The following TRRAP variants were observed in gnomAD, a reference collection of about 807,000 sequenced individuals.
TRRAP encodes transformation/transcription domain associated protein.
In TRRAP, 41 loss-of-function variants were observed where a neutral mutation model predicts 438.8. The observed-to-expected ratio is 0.09, with a 90% CI of 0.07 to 0.12. The LOEUF is 0.12. Among genes scored for constraint, TRRAP ranks in the 10% least tolerant of loss-of-function variants. TRRAP has a pLI of 1.00. For missense variants in TRRAP, 3,122 were observed against 5,055.1 expected, an observed-to-expected ratio of 0.62 and a Z score of 11.60; for synonymous variants, 1,994 against 1,962.9, an observed-to-expected ratio of 1.02 and a Z score of -0.42.
chr7:98,976,679 A>G lies in TRRAP; in HGVS notation c.8156A>G (p.His2719Arg), dbSNP rs1469292036. Residue 2719 changes from histidine to arginine, a missense_variant, in exon 55 of 73, where the codon CAC becomes CGC. By Grantham distance (29) the His-to-Arg change is conservative. Transcript: ENST00000456197. The surrounding 1 kb of genome is among the most constrained non-coding windows in gnomAD (Gnocchi z 4.6). The stretch of plus-strand genomic sequence containing the variant: ...TTCCGGTCCACGCTGATGTTGGAGC[A>G]CCAGGCTTTTGAAAAGGGTCTGAGT... Reference protein sequence around the residue: ...LWFRSTLMLEHQAFEKGLSLQ... With the variant: ...LWFRSTLMLERQAFEKGLSLQ... The G allele has an allele frequency of 6.2e-7, 1 of 1,614,190 alleles. No individual in the cohort carries two copies. The highest frequency in any genetic ancestry group is 8.5e-7 in the Non-Finnish European group (1 of 1,180,042).
chr7:98,953,258 A>T lies in TRRAP; in HGVS notation c.5555A>T (p.His1852Leu). ...YATLLVEHAPHHIHDNNKNRN... is the reference protein window; with the variant it reads ...YATLLVEHAPLHIHDNNKNRN... Reference sequence around the variant, plus strand: ...ACGCTGCTGGTGGAGCACGCCCCCCACCACATCCATGACAACAACAAGAAC... The same window carrying T: ...ACGCTGCTGGTGGAGCACGCCCCCCTCCACATCCATGACAACAACAAGAAC... The change falls in exon 40 of 73, where the codon CAC becomes CTC. Residue 1852 changes from histidine to leucine, a missense_variant. By Grantham distance (99) the His-to-Leu change is moderately conservative. Around this residue, in one of 24 missense-constraint regions of TRRAP, gnomAD observed 272 missense variants for 348.5 expected, o/e 0.78. Transcript: ENST00000456197. The T allele has an allele frequency of 1.9e-6, 3 of 1,613,206 alleles. No homozygotes were observed. The highest frequency in any genetic ancestry group is 2.5e-6 in the Non-Finnish European group (3 of 1,179,900).
At chr7:98,911,330 AT>A in intron 17 of TRRAP, 59 bp downstream of exon 17, 1 of 1,432,108 alleles carries the variant, frequency 7.0e-7, no homozygotes, top group Non-Finnish European at 9.4e-7. Flanking sequence ...TATGTCTTAA[AT>A]ACTTTTTCAT....
intron 49 of TRRAP, among the ~76,000 whole-genome samples, chr7:98,966,200 G>A (rs949971868): frequency 1.3e-5 from 2 of 151,916 alleles, no homozygotes; most frequent in African/African-American, 4.8e-5. Flanking sequence ...CAGCTACTCG[G>A]GAGGCTGAGG....
At chr7:99,007,381 C>T (rs745400687) in intron 69 of TRRAP, among the ~76,000 whole-genome samples, 1 of 152,220 alleles carries the variant, frequency 6.6e-6, no homozygotes, top group Non-Finnish European at 1.5e-5. Flanking sequence ...CGGAGTCTCA[C>T]TCTCTCATTC....
chr7:98,993,638 A>T lies in TRRAP; in HGVS notation c.9948A>T (p.Arg3316=), dbSNP rs1009477787. The T allele has an allele frequency of 2.5e-6, 4 of 1,614,242 alleles. No homozygotes were observed. The highest frequency in any genetic ancestry group is 3.4e-6 in the Non-Finnish European group (4 of 1,180,042). Residue 3316 remains arginine (R), a synonymous_variant, in exon 66 of 73, where the codon CGA becomes CGT. Transcript: ENST00000456197. ...RATAPMWRCS[R]IMHMQRELHP... is the part of the protein sequence containing the mutation. ...CAGCACCCATGTGGCGCTGCAGCCG[A>T]ATCATGCACATGCAGCGAGAGCTCC... is the stretch of plus-strand genomic sequence containing the variant.
At chr7:98,889,538 CT>C (rs72212667) in intron 3 of TRRAP, among the ~76,000 whole-genome samples, 23,102 of 77,848 alleles carry the variant, frequency 0.3, 5,896 homozygotes, top group African/African-American at 0.61. Context: ...TCCTATTCTC[CT>C]TTTTTTTTTT....
At chr7:98,878,932 A>G (rs940918633) in intron 1 of TRRAP, among the ~76,000 whole-genome samples, 5 of 152,192 alleles carry the variant, frequency 3.3e-5, no homozygotes, top group African/African-American at 1.2e-4. Context: ...GACGGCGACC[A>G]AAGGAGGGAA....
At chr7:98,917,754 A>G (rs1554409745) in intron 20 of TRRAP, 75 bp downstream of exon 20, 2 of 1,547,742 alleles carry the variant, frequency 1.3e-6, no homozygotes, top group Non-Finnish European at 8.7e-7. Context: ...TCTGTACTCA[A>G]GAGTGGGCTC....
At chr7:98,887,749 A>AAC (rs1795780509) in intron 3 of TRRAP, among the ~76,000 whole-genome samples, 1 of 151,108 alleles carries the variant, frequency 6.6e-6, no homozygotes, top group South Asian at 2.1e-4. Flanking sequence ...AAAAAAAAAA[A>AAC]ACTGCAATGG....
At chr7:98,998,927 A>G in intron 67 of TRRAP, 2 of 531,524 alleles carry the variant, frequency 3.8e-6, no homozygotes, top group Non-Finnish European at 6.8e-6. Flanking sequence ...GTCAGTCTGC[A>G]CAAGGTACAG....
intron 21 of TRRAP, 87 bp from the exon 22 acceptor site, chr7:98,925,025 C>T: frequency 6.7e-7 from 1 of 1,482,392 alleles, no homozygotes; most frequent in African/African-American, 1.4e-5. Context: ...AAAGATTCTT[C>T]TGGGTGCTGC....
At chr7:98,979,352 C>T (rs987548852) in intron 58 of TRRAP, among the ~76,000 whole-genome samples, 7 of 152,142 alleles carry the variant, frequency 4.6e-5, no homozygotes, top group South Asian at 2.1e-4. Flanking sequence ...TCTGCACAGC[C>T]GCCTGGGTTC....
intron 18 of TRRAP, among the ~76,000 whole-genome samples, chr7:98,912,698 G>A (rs1375357952): frequency 6.6e-6 from 1 of 152,006 alleles, no homozygotes; most frequent in Non-Finnish European, 1.5e-5. Context: ...TTTCAGTGAT[G>A]CAAACGAACT....
At chr7:98,960,336 GT>G (rs1223884798) in intron 45 of TRRAP, among the ~76,000 whole-genome samples, 1 of 151,994 alleles carries the variant, frequency 6.6e-6, no homozygotes, top group Non-Finnish European at 1.5e-5. Flanking sequence ...TCCACATTTG[GT>G]TTTTCTAGTT....
At chr7:98,996,232 T>C (rs1045404807) in intron 67 of TRRAP, among the ~76,000 whole-genome samples, 1 of 152,214 alleles carries the variant, frequency 6.6e-6, no homozygotes, top group Admixed American at 6.5e-5. Flanking sequence ...CACATCCCAT[T>C]GTGCACACCC....
chr7:98,948,359 G>A lies in TRRAP; in HGVS notation c.4668+19G>A. On this transcript the variant is annotated intron_variant, in intron 34 of 72. Coordinates refer to ENST00000456197, the MANE Select transcript of TRRAP (RefSeq NM_001375524.1). The surrounding 1 kb of genome is among the most constrained non-coding windows in gnomAD (Gnocchi z 4.9). ...GATCGAGGTAAGGGCCATACTGAAG[G>A]CTGCTTCTCGCTCTGCCACCCTCCG... 6.2e-7 allele frequency: 1 copy of A among 1,613,990 alleles called. No individual in the cohort carries two copies. Among genetic ancestry groups the A allele is most frequent in the African/African-American group, 1.3e-5 (1 of 75,042 alleles).
chr7:98,920,531 C>G (rs538766615), intron 20 of TRRAP, among the ~76,000 whole-genome samples: 1 of 152,012 alleles, frequency 6.6e-6, no homozygotes, highest in East Asian at 1.9e-4. Flanking sequence ...TTTTTAGGAC[C>G]TCTGATAATT....
chr7:98,995,907 C>T (rs1295581919), intron 67 of TRRAP, among the ~76,000 whole-genome samples: 2 of 149,862 alleles, frequency 1.3e-5, no homozygotes, highest in Non-Finnish European at 1.5e-5. Context: ...TCTACACACC[C>T]GCGTCCCATC....
chr7:98,937,941 G>A (rs868940896), intron 30 of TRRAP, 121 bp downstream of exon 30: 37 of 1,115,410 alleles, frequency 3.3e-5, no homozygotes, highest in East Asian at 9.1e-5. Flanking sequence ...TTGGGAGGCC[G>A]AGGTGGGTGG....
Sources: gnomAD v4.1 joint callset for allele counts (sites outside exome capture counted in the v4.1 genomes callset) on GRCh38, gnomAD v4.1.1 for gene constraint, gnomAD v4.1.1 regional missense constraint, Gnocchi (gnomAD v3.1) non-coding constraint, MANE v1.5 for transcripts, NCBI Gene and HGNC (gene_info 2026-07-23, HGNC 2026-07-21) for gene names.